Variants in ADRA1A observed in about 807,000 individuals in gnomAD.
ADRA1A encodes alpha-1A adrenergic receptor.
ADRA1A carries 31 observed loss-of-function variants against 29.6 expected under a neutral mutation model. That is an observed-to-expected ratio of 1.05 (90% CI 0.79 to 1.41). ADRA1A has a LOEUF of 1.41. Among genes scored for constraint, ADRA1A ranks in the 40% most tolerant of loss-of-function variants. ADRA1A has a pLI of 0.00. For missense variants in ADRA1A, 619 were observed against 601.1 expected (o/e 1.03, Z -0.31); for synonymous variants, 311 against 254.3 (o/e 1.22, Z -2.12).
At chr8:26,791,405 C>A (rs4732653) in intron 2 of ADRA1A, among the ~76,000 whole-genome samples, 51,316 of 151,950 alleles carry the variant, frequency 0.34, 9,999 homozygotes, top group East Asian at 0.84. Context: ...TCTGGAGAGG[C>A]TATACCTACT....
intron 2 of ADRA1A, among the ~76,000 whole-genome samples, chr8:26,855,045 T>C (rs1039768235): frequency 3.9e-5 from 6 of 152,166 alleles, no homozygotes; most frequent in African/African-American, 7.2e-5. Context: ...GCCTCGAGGA[T>C]TGTGAGAAAT....
At chr8:26,843,604 A>G (rs559337223) in intron 2 of ADRA1A, among the ~76,000 whole-genome samples, 1 of 152,322 alleles carries the variant, frequency 6.6e-6, no homozygotes, top group Non-Finnish European at 1.5e-5. Context: ...TTTTTGTCAG[A>G]TAAAATGAGG....
At chr8:26,812,410 A>G (rs1278959787) in intron 2 of ADRA1A, among the ~76,000 whole-genome samples, 9 of 152,080 alleles carry the variant, frequency 5.9e-5, no homozygotes, top group Non-Finnish European at 1.3e-4. Flanking sequence ...TCAAATAACT[A>G]ATAGGTTTAA....
chr8:26,789,643 A>G (rs1807667848), intron 2 of ADRA1A, among the ~76,000 whole-genome samples: 2 of 152,202 alleles, frequency 1.3e-5, no homozygotes, highest in Admixed American at 6.5e-5. Flanking sequence ...ACAGGAAACA[A>G]AAGCAAAAAT....
At chr8:26,856,907 A>C (rs189313779) in intron 2 of ADRA1A, among the ~76,000 whole-genome samples, 1 of 152,286 alleles carries the variant, frequency 6.6e-6, no homozygotes, top group Non-Finnish European at 1.5e-5. Flanking sequence ...GGAAGTTCTC[A>C]ATATAACTGA....
intron 2 of ADRA1A, among the ~76,000 whole-genome samples, chr8:26,784,481 G>T (rs762968931): frequency 2.6e-5 from 4 of 152,200 alleles, no homozygotes; most frequent in Non-Finnish European, 5.9e-5. Flanking sequence ...CCAGGTGGGT[G>T]TGGAAGCAGT....
chr8:26,759,856 A>T (rs1805406830), intron 2 of ADRA1A, among the ~76,000 whole-genome samples: 1 of 152,258 alleles, frequency 6.6e-6, no homozygotes. Flanking sequence ...TGGGCTTGAA[A>T]AGACAGAATA....
At position 26,866,165 on chromosome 8, in the gene ADRA1A, C is replaced by T. The variant is rs1376441347; in HGVS notation, c.-686-510G>A. 6.6e-6 allele frequency among the ~76,000 whole-genome samples: 1 copy of T among 152,136 alleles called. No individual in the cohort carries two copies. Among genetic ancestry groups the T allele is most frequent in the Non-Finnish European group, 1.5e-5 (1 of 68,034 alleles). ...TCAGGGCCAGGACCACGAGCACGCT[C>T]ACTCTCACGCCGGTGGAATTCGCAC... On this transcript the variant is annotated intron_variant, in intron 1 of 2. Coordinates refer to ENST00000380573, the MANE Select transcript of ADRA1A (RefSeq NM_000680.4). This position sits in a 1 kb window ranked among gnomAD's most constrained non-coding sequence, Gnocchi z 5.7.
chr8:26,840,093 C>T (rs1472626289), intron 2 of ADRA1A, among the ~76,000 whole-genome samples: 2 of 152,304 alleles, frequency 1.3e-5, no homozygotes, highest in East Asian at 3.9e-4. Flanking sequence ...TGTTGTAACC[C>T]TTATGAAACA....
intron 2 of ADRA1A, among the ~76,000 whole-genome samples, chr8:26,863,586 A>T (rs1813639991): frequency 6.6e-6 from 1 of 152,248 alleles, no homozygotes; most frequent in South Asian, 2.1e-4. Context: ...GATATAGAAC[A>T]TAAACAGACC....
intron 2 of ADRA1A, among the ~76,000 whole-genome samples, chr8:26,862,187 T>C (rs1813525589): frequency 6.6e-6 from 1 of 152,198 alleles, no homozygotes; most frequent in Non-Finnish European, 1.5e-5. Context: ...TGATCTTCAT[T>C]GAACAGGTCA....
chr8:26,763,938 T>C (rs536682137), downstream of ADRA1A, among the ~76,000 whole-genome samples: 6 of 152,212 alleles, frequency 3.9e-5, no homozygotes, highest in Admixed American at 1.3e-4. This position sits in a 1 kb window ranked among gnomAD's most constrained non-coding sequence, Gnocchi z 4.5. Context: ...AAACTCCTAA[T>C]ATACATTAAA....
At chr8:26,842,713 C>A (rs1467782275) in intron 2 of ADRA1A, among the ~76,000 whole-genome samples, 2 of 152,168 alleles carry the variant, frequency 1.3e-5, no homozygotes, top group African/African-American at 4.8e-5. Context: ...CCTCTGATTT[C>A]ATGGCCAAAA....
chr8:26,779,282 T>C (rs1462218733), intron 2 of ADRA1A: 4 of 702,306 alleles, frequency 5.7e-6, no homozygotes, highest in Non-Finnish European at 1.0e-5. Flanking sequence ...ACATTCCAAC[T>C]GGTCACCAAA....
At position 26,825,260 on chromosome 8, in the gene ADRA1A, C is replaced by T. The variant is rs1810470606; in HGVS notation, c.883+38827G>A. ...AATGGGGGTCATAGAGATATCTTCA[C>T]TCTCTAGCTTGTTTTCTTCTTTCTG... On this transcript the variant is annotated intron_variant, in intron 2 of 2. Transcript: ENST00000380573. The surrounding 1 kb of genome is among the most constrained non-coding windows in gnomAD (Gnocchi z 5.7). Among the ~76,000 whole-genome samples the T allele has an allele frequency of 6.6e-6, 1 of 152,118 alleles. No individual in the cohort carries two copies. Among genetic ancestry groups the T allele is most frequent in the South Asian group, 2.1e-4 (1 of 4,824 alleles).
intron 2 of ADRA1A, chr8:26,858,977 G>C: frequency 9.1e-7 from 1 of 1,099,374 alleles, no homozygotes; most frequent in East Asian, 6.5e-5. Context: ...AAAAGGGAAC[G>C]TGAGACTTCT....
downstream of ADRA1A, among the ~76,000 whole-genome samples, chr8:26,753,220 C>T (rs957469125): frequency 5.9e-5 from 9 of 152,166 alleles, no homozygotes; most frequent in East Asian, 1.9e-4. Context: ...TCTCTGACCT[C>T]GGCCCTCATA....
intron 2 of ADRA1A, among the ~76,000 whole-genome samples, chr8:26,793,923 A>T (rs796955559): frequency 4.5e-4 from 68 of 152,110 alleles, no homozygotes; most frequent in African/African-American, 1.6e-3. Context: ...CATAATCTTG[A>T]TCTCAAAACT....
At position 26,821,677 on chromosome 8, in the gene ADRA1A, A is replaced by C. The variant is rs183598862; in HGVS notation, c.883+42410T>G. 2.5e-3 allele frequency among the ~76,000 whole-genome samples: 386 copies of C among 152,332 alleles called. 6 individuals carry two copies. The highest frequency in any genetic ancestry group is 0.023 in the Admixed American group (350 of 15,304). On this transcript the variant is annotated intron_variant, in intron 2 of 2. Coordinates refer to ENST00000380573, the MANE Select transcript of ADRA1A (RefSeq NM_000680.4). This position sits in a 1 kb window ranked among gnomAD's most constrained non-coding sequence, Gnocchi z 5.6. ...ACAACCAGGATATTGACAACGATAC[A>C]GTCAAGATACAGAATAGTTCCATCC...
Sources: allele counts gnomAD v4.1 joint callset (sites outside exome capture counted in the v4.1 genomes callset), GRCh38; gene constraint gnomAD v4.1.1; non-coding constraint Gnocchi (gnomAD v3.1); transcripts MANE v1.5; gene names NCBI Gene and HGNC (gene_info 2026-07-23, HGNC 2026-07-21).